The following NRXN3 variants were observed in gnomAD, a reference collection of about 807,000 sequenced individuals.
NRXN3 encodes the protein neurexin 3.
NRXN3 carries 32 observed loss-of-function variants against 137.6 expected under a neutral mutation model. That is an observed-to-expected ratio of 0.23 (90% CI 0.18 to 0.31). The LOEUF (loss-of-function observed/expected upper bound fraction) is 0.31. Ranked by LOEUF, NRXN3 falls within the 10% of genes least tolerant of loss-of-function variation. The pLI, the probability that NRXN3 is intolerant of heterozygous loss-of-function variation, is 1.00. For synonymous variants in NRXN3, 798 were observed against 784.5 expected (o/e 1.02, Z -0.29); for missense variants, 1,574 against 2,062.5 (o/e 0.76, Z 4.59).
At chr14:78,563,125 T>C (rs539508996) in intron 4 of NRXN3, among the ~76,000 whole-genome samples, 1 of 152,300 alleles carries the variant, frequency 6.6e-6, no homozygotes, top group East Asian at 1.9e-4. Context: ...GGCAACTGGG[T>C]TCCAAGAAGG....
chr14:79,147,806 G>T (rs779911800), intron 15 of NRXN3, among the ~76,000 whole-genome samples: 4 of 152,046 alleles, frequency 2.6e-5, no homozygotes, highest in Admixed American at 6.6e-5. Flanking sequence ...TATAAGAATC[G>T]AAGTCCTTTA....
chr14:78,993,834 A>ATTTTTTTT lies in NRXN3; in HGVS notation c.3262+5719_3262+5726dup, dbSNP rs58170856. On this transcript the variant is annotated intron_variant, in intron 15 of 20. Transcript: ENST00000335750. ...GTTTTCATTGAAGATGAGCCTTGAA[A>ATTTTTTTT]TTTTTTTTTTTTTTTTTTTTTTTTT... 8.8e-4 allele frequency among the ~76,000 whole-genome samples: 59 copies of ATTTTTTTT among 67,014 alleles called. 2 individuals are homozygous for ATTTTTTTT. Among genetic ancestry groups the ATTTTTTTT allele is most frequent in the Non-Finnish European group, 1.5e-3 (47 of 31,940 alleles). The allele number at this position is 67,014 out of a possible 152,430, so 44.0% of individuals were successfully genotyped here. A position where few individuals can be genotyped will look rare whatever the true frequency, so the allele number is the denominator to read the frequency against.
At chr14:78,403,100 G>C (rs893511547) in intron 4 of NRXN3, among the ~76,000 whole-genome samples, 1 of 152,184 alleles carries the variant, frequency 6.6e-6, no homozygotes, top group African/African-American at 2.4e-5. Context: ...GTGGGATTGG[G>C]TGAAGGATTT....
chr14:79,230,657 G>A (rs1296999490), intron 15 of NRXN3, among the ~76,000 whole-genome samples: 1 of 152,138 alleles, frequency 6.6e-6, no homozygotes. Context: ...CTTATTTGGT[G>A]AATTAGTATC....
chr14:79,076,047 C>G (rs1187594967), intron 15 of NRXN3, among the ~76,000 whole-genome samples: 3 of 152,132 alleles, frequency 2.0e-5, no homozygotes, highest in Middle Eastern at 3.2e-3. Context: ...GCACCTCGTG[C>G]AACTTTGTGG....
chr14:78,251,177 C>T (rs992816739), intron 2 of NRXN3, among the ~76,000 whole-genome samples: 2 of 152,164 alleles, frequency 1.3e-5, no homozygotes, highest in African/African-American at 2.4e-5. Flanking sequence ...AGGCAATGCC[C>T]ATTACCTCAC....
At chr14:78,310,449 C>G (rs1398908999) in intron 4 of NRXN3, among the ~76,000 whole-genome samples, 1 of 151,996 alleles carries the variant, frequency 6.6e-6, no homozygotes, top group Non-Finnish European at 1.5e-5. Flanking sequence ...ATTGATCCAT[C>G]TGTAGTACAC....
chr14:79,482,259 C>G (rs1315641837), intron 16 of NRXN3, among the ~76,000 whole-genome samples: 1 of 152,138 alleles, frequency 6.6e-6, no homozygotes. Flanking sequence ...TGACCAAGGT[C>G]AAAGAAGTTT....
chr14:79,437,240 A>G (rs1482818958), intron 15 of NRXN3, among the ~76,000 whole-genome samples: 3 of 152,044 alleles, frequency 2.0e-5, no homozygotes, highest in South Asian at 4.2e-4. Context: ...GCTTTCATGC[A>G]TATAGTTCCC....
At chr14:78,721,264 A>G (rs1448880622) in intron 8 of NRXN3, among the ~76,000 whole-genome samples, 1 of 152,172 alleles carries the variant, frequency 6.6e-6, no homozygotes, top group East Asian at 1.9e-4. Context: ...CACTGGTCTC[A>G]GTGCTATTGA....
chr14:78,458,634 G>C (rs1045282840), intron 4 of NRXN3, among the ~76,000 whole-genome samples: 1 of 152,136 alleles, frequency 6.6e-6, no homozygotes, highest in Non-Finnish European at 1.5e-5. Context: ...CAATTTTGTG[G>C]TTTAAGATTT....
intron 4 of NRXN3, among the ~76,000 whole-genome samples, chr14:78,384,788 C>T (rs181721352): frequency 6.6e-6 from 1 of 152,296 alleles, no homozygotes; most frequent in African/African-American, 2.4e-5. Flanking sequence ...ATTCTGCAAT[C>T]GCTCAGGTCT....
At chr14:79,791,384 G>A (rs189601996) in intron 19 of NRXN3, 5 of 150,200 alleles carry the variant, frequency 3.3e-5, no homozygotes, top group Admixed American at 6.6e-5. Flanking sequence ...CAAGAATTCC[G>A]AAGTTTAGAG....
intron 15 of NRXN3, among the ~76,000 whole-genome samples, chr14:79,150,178 T>G (rs1055383041): frequency 6.6e-6 from 1 of 152,088 alleles, no homozygotes; most frequent in South Asian, 2.1e-4. Context: ...AGTGTGTATA[T>G]GGACACTTCT....
At chr14:78,407,925 G>A (rs2092592223) in intron 4 of NRXN3, among the ~76,000 whole-genome samples, 1 of 152,070 alleles carries the variant, frequency 6.6e-6, no homozygotes, top group Non-Finnish European at 1.5e-5. Flanking sequence ...TCCATAAATA[G>A]CATTTGAACA....
chr14:79,638,071 A>G (rs2098415062), intron 16 of NRXN3, among the ~76,000 whole-genome samples: 1 of 151,822 alleles, frequency 6.6e-6, no homozygotes, highest in African/African-American at 2.4e-5. Flanking sequence ...ATACCTCTAT[A>G]CTAGTTTTTC....
chr14:78,982,509 T>G (rs940035468), intron 14 of NRXN3, among the ~76,000 whole-genome samples: 3 of 152,072 alleles, frequency 2.0e-5, no homozygotes, highest in Admixed American at 2.0e-4. Context: ...TTAACTGATT[T>G]TTTTTTTAAC....
Position 79,525,992 on chromosome 14 carries a change from TC to T in NRXN3, c.3444+58591del, listed in dbSNP as rs1358151651. ...TGACCCCTGGGCTCAAGGGATCCTC[TC>T]AACTCCGCCTCCAGAGTAGTTAGGA... On this transcript the variant is annotated intron_variant, in intron 16 of 20. Transcript: ENST00000335750. 2.0e-5 allele frequency among the ~76,000 whole-genome samples: 3 copies of T among 152,010 alleles called. No individual in the cohort carries two copies. In the East Asian group the frequency reaches 5.8e-4, roughly 29 times the overall value.
intron 4 of NRXN3, among the ~76,000 whole-genome samples, chr14:78,417,160 T>C (rs917279191): frequency 6.6e-6 from 1 of 152,222 alleles, no homozygotes; most frequent in Non-Finnish European, 1.5e-5. Context: ...TGTGGGATGT[T>C]GTCCACACTC....
Sources: allele counts gnomAD v4.1 joint callset (sites outside exome capture counted in the v4.1 genomes callset), GRCh38; gene constraint gnomAD v4.1.1; transcripts MANE v1.5; gene names NCBI Gene and HGNC (gene_info 2026-07-23, HGNC 2026-07-21).